Variants in UPF2 observed in about 807,000 individuals in gnomAD.
UPF2 encodes the protein regulator of nonsense transcripts 2.
Under a neutral mutation model 141.4 loss-of-function variants are expected in UPF2, and 17 were observed. That is an observed-to-expected ratio of 0.12 (90% CI 0.08 to 0.18). The LOEUF is 0.18. Ranked by LOEUF, UPF2 falls within the 10% of genes least tolerant of loss-of-function variation. UPF2 has a pLI of 1.00. For synonymous variants in UPF2, 540 were observed against 498.0 expected, an observed-to-expected ratio of 1.08 and a Z score of -1.12; for missense variants, 1,152 against 1,515.9, an observed-to-expected ratio of 0.76 and a Z score of 3.99.
chr10:12,013,621 T>C (rs1588569811), intron 4 of UPF2, among the ~76,000 whole-genome samples: 1 of 152,060 alleles, frequency 6.6e-6, no homozygotes, highest in South Asian at 2.1e-4. Flanking sequence ...TTCAAAGATA[T>C]CTATCTATTA....
intron 15 of UPF2, among the ~76,000 whole-genome samples, chr10:11,949,174 C>T (rs1833042934): frequency 1.3e-5 from 2 of 152,128 alleles, no homozygotes; most frequent in South Asian, 4.1e-4. Context: ...GTTGGAATTC[C>T]AATCCACCCT....
At position 11,952,138 on chromosome 10, in the gene UPF2, T is replaced by C; in HGVS notation, c.2962A>G (p.Lys988Glu). Reference sequence around the variant, plus strand: ...GATTCTTCCAGAGAATTACAGAGTTTGATCTTTGGTCTTAGCAGTTCTAGT... The same window carrying C: ...GATTCTTCCAGAGAATTACAGAGTTCGATCTTTGGTCTTAGCAGTTCTAGT... ...DTLELLRPKI[K>E]LCNSLEESIR... Residue 988 changes from lysine to glutamate, a missense_variant, in exon 15 of 22, where the codon AAA (lysine) becomes GAA (glutamate). By Grantham distance (56) the Lys-to-Glu change is moderately conservative. Around this residue, in one of 4 missense-constraint regions of UPF2, gnomAD observed 202 missense variants for 223.6 expected, o/e 0.90. Coordinates refer to ENST00000357604, the MANE Select transcript of UPF2 (RefSeq NM_015542.4). 1.2e-6 allele frequency: 2 copies of C among 1,614,132 alleles called. No individual in the cohort carries two copies. Among genetic ancestry groups the C allele is most frequent in the Non-Finnish European group, 1.7e-6 (2 of 1,179,978 alleles).
intron 1 of UPF2, among the ~76,000 whole-genome samples, chr10:12,038,092 G>A (rs1176795115): frequency 6.6e-6 from 1 of 152,032 alleles, no homozygotes; most frequent in Non-Finnish European, 1.5e-5. Context: ...TTTTAAAATC[G>A]TCATTAGGGG....
At chr10:11,934,572 A>C (rs571848261) in intron 19 of UPF2, among the ~76,000 whole-genome samples, 1 of 151,918 alleles carries the variant, frequency 6.6e-6, no homozygotes, top group East Asian at 1.9e-4. Context: ...CCAGCTCCAC[A>C]CTCCATGATT....
At chr10:11,972,732 A>C (rs538749776) in intron 9 of UPF2, among the ~76,000 whole-genome samples, 2 of 152,284 alleles carry the variant, frequency 1.3e-5, no homozygotes, top group African/African-American at 4.8e-5. Flanking sequence ...TTATGGCTGC[A>C]TAGTATTCCA....
rs1833083344 is a variant in UPF2, at chr10:11,952,147, G to C, written c.2953C>G (p.Pro985Ala). ...MISDTLELLRPKIKLCNSLEE... is the reference protein window; with the variant it reads ...MISDTLELLRAKIKLCNSLEE... The stretch of plus-strand genomic sequence containing the variant: ...AGAGAATTACAGAGTTTGATCTTTG[G>C]TCTTAGCAGTTCTAGTGTATCACTG... Residue 985 changes from proline to alanine, a missense_variant, in exon 15 of 22, where the codon CCA becomes GCA. Physicochemically the swap from Pro to Ala is conservative, Grantham distance 27. Transcript: ENST00000357604. The C allele has an allele frequency of 1.9e-6, 3 of 1,613,958 alleles. No homozygotes were observed. The highest frequency in any genetic ancestry group is 2.5e-6 in the Non-Finnish European group (3 of 1,179,942).
chr10:11,978,717 A>G (rs892964032), intron 9 of UPF2, among the ~76,000 whole-genome samples: 5 of 152,070 alleles, frequency 3.3e-5, no homozygotes, highest in Admixed American at 1.3e-4. Flanking sequence ...CCACACCCGG[A>G]CTCATGGCAG....
chr10:11,937,864 G>T (rs992283877), intron 18 of UPF2, among the ~76,000 whole-genome samples: 1 of 151,996 alleles, frequency 6.6e-6, no homozygotes, highest in African/African-American at 2.4e-5. Flanking sequence ...TCCCAGGTTC[G>T]TAAGATTTAT....
intron 18 of UPF2, among the ~76,000 whole-genome samples, chr10:11,938,071 G>A (rs1832876448): frequency 6.6e-6 from 1 of 152,128 alleles, no homozygotes; most frequent in African/African-American, 2.4e-5. Flanking sequence ...AATGGAGTAT[G>A]TTCTTTCGGA....
Position 12,035,224 on chromosome 10 carries a change from T to C in UPF2, c.200A>G (p.Lys67Arg). 6.2e-7 allele frequency: 1 copy of C among 1,613,704 alleles called. No homozygotes were observed. The highest frequency in any genetic ancestry group is 1.1e-5 in the South Asian group (1 of 90,936). Residue 67 changes from lysine to arginine, a missense_variant, in exon 2 of 22, where the codon AAG becomes AGG. Coordinates refer to ENST00000357604, the MANE Select transcript of UPF2 (RefSeq NM_015542.4). ...KKRLEDDKRK[K>R]EDKERKKKDE... ...TTTTTTCTTGCGTTCCTTGTCTTCC[T>C]TTTTTCTCTTATCATCTTCCAGTCT...
At chr10:11,924,944 G>A (rs560937990) in intron 21 of UPF2, among the ~76,000 whole-genome samples, 25 of 152,102 alleles carry the variant, frequency 1.6e-4, no homozygotes, top group Middle Eastern at 3.4e-3. Context: ...TCAGACTCCC[G>A]AGTAGCTGGG....
rs542808930 is a variant in UPF2, at chr10:11,979,797, C to T, written c.1845-632G>A. ...GCATGCGCCTGTAGTCACAGCTACT[C>T]GGGAGGCTAAGGCAGGAGAATTGCT... On this transcript the variant is annotated intron_variant, in intron 8 of 21. Coordinates refer to ENST00000357604, the MANE Select transcript of UPF2 (RefSeq NM_015542.4). This position sits in a 1 kb window ranked among gnomAD's most constrained non-coding sequence, Gnocchi z 6.2. 2.0e-5 allele frequency among the ~76,000 whole-genome samples: 3 copies of T among 152,096 alleles called. No individual in the cohort carries two copies. The highest frequency in any genetic ancestry group is 2.1e-4 in the South Asian group (1 of 4,814).
intron 21 of UPF2, among the ~76,000 whole-genome samples, chr10:11,925,987 G>A (rs772995458): frequency 3.3e-5 from 5 of 152,178 alleles, no homozygotes; most frequent in Admixed American, 2.6e-4. Flanking sequence ...GGTCTATAGC[G>A]GGAGAATGAA....
At chr10:12,015,634 G>A (rs1472828162) in intron 3 of UPF2, among the ~76,000 whole-genome samples, 21 of 152,222 alleles carry the variant, frequency 1.4e-4, no homozygotes, top group Admixed American at 5.9e-4. Context: ...CCTGGGAGGC[G>A]GAGGTTGCAG....
intron 3 of UPF2, among the ~76,000 whole-genome samples, chr10:12,020,131 AAAATT>A (rs1834291639): frequency 6.6e-6 from 1 of 152,128 alleles, no homozygotes; most frequent in African/African-American, 2.4e-5. Flanking sequence ...TAATGCCTAA[AAAATT>A]CTAATATTAA....
At chr10:11,999,647 T>C (rs1006002150) in intron 7 of UPF2, among the ~76,000 whole-genome samples, 2 of 152,176 alleles carry the variant, frequency 1.3e-5, no homozygotes, top group Non-Finnish European at 2.9e-5. Context: ...TTTAGCACCT[T>C]TGATCTAAAA....
chr10:11,936,760 G>C lies in UPF2; in HGVS notation c.3379-48C>G, dbSNP rs755288313. The C allele has an allele frequency of 1.3e-6, 2 of 1,491,330 alleles. No individual in the cohort carries two copies. The highest frequency in any genetic ancestry group is 1.8e-6 in the Non-Finnish European group (2 of 1,114,850). 92.4% of individuals were successfully genotyped at this position (1,491,330 alleles called of 1,614,324 possible). On this transcript the variant is annotated intron_variant, in intron 18 of 21. Coordinates refer to ENST00000357604, the MANE Select transcript of UPF2 (RefSeq NM_015542.4). The surrounding 1 kb of genome is among the most constrained non-coding windows in gnomAD (Gnocchi z 6.6). Reference sequence around the variant, plus strand: ...TAATAAACACTCCAAGATATATACGGATATATGTCAATATAAATTGCAAAC... The same window carrying C: ...TAATAAACACTCCAAGATATATACGCATATATGTCAATATAAATTGCAAAC...
chr10:12,012,532 C>G (rs887398090), intron 4 of UPF2, among the ~76,000 whole-genome samples: 5 of 152,104 alleles, frequency 3.3e-5, no homozygotes, highest in African/African-American at 1.2e-4. Flanking sequence ...GTTATCTCAG[C>G]ACATTGGGAG....
intron 8 of UPF2, among the ~76,000 whole-genome samples, chr10:11,988,682 A>C (rs1348543380): frequency 3.3e-5 from 5 of 152,182 alleles, no homozygotes; most frequent in Non-Finnish European, 4.4e-5. Flanking sequence ...CCAGGATGCC[A>C]AAAGGTGATA....
Sources: allele counts gnomAD v4.1 joint callset (sites outside exome capture counted in the v4.1 genomes callset), GRCh38; gene constraint gnomAD v4.1.1; regional missense constraint gnomAD v4.1.1; non-coding constraint Gnocchi (gnomAD v3.1); transcripts MANE v1.5; gene names NCBI Gene and HGNC (gene_info 2026-07-23, HGNC 2026-07-21).